ADCK1: variants seen among roughly 807,000 people sequenced by gnomAD.
The protein encoded by ADCK1 is aarF domain-containing protein kinase 1.
In ADCK1, 41 loss-of-function variants were observed where a neutral mutation model predicts 52.3. The observed-to-expected ratio is 0.78, with a 90% CI of 0.61 to 1.02. The LOEUF (loss-of-function observed/expected upper bound fraction) is 1.02, where lower values mean the gene tolerates loss of function less well. ADCK1 is among the 50% of genes least tolerant of loss of function. ADCK1 has a pLI of 0.00. For synonymous variants in ADCK1, 250 were observed against 274.6 expected, an observed-to-expected ratio of 0.91 and a Z score of 0.89; for missense variants, 658 against 679.5, an observed-to-expected ratio of 0.97 and a Z score of 0.35.
intron 3 of ADCK1, among the ~76,000 whole-genome samples, chr14:77,839,099 C>G (rs934657738): frequency 6.6e-6 from 1 of 152,172 alleles, no homozygotes; most frequent in African/African-American, 2.4e-5. Context: ...CATTTCAGCT[C>G]TTGCTGAGTG....
At chr14:77,871,618 A>C (rs1566686724) in intron 4 of ADCK1, among the ~76,000 whole-genome samples, 1 of 152,054 alleles carries the variant, frequency 6.6e-6, no homozygotes, top group Non-Finnish European at 1.5e-5. Context: ...TTGACCTCCC[A>C]AAGTGCCCGG....
At chr14:77,887,718 G>A (rs1394663448) in intron 5 of ADCK1, among the ~76,000 whole-genome samples, 1 of 152,124 alleles carries the variant, frequency 6.6e-6, no homozygotes, top group Non-Finnish European at 1.5e-5. Context: ...TGCTTCTCTG[G>A]TACTTATTTG....
intron 1 of ADCK1, among the ~76,000 whole-genome samples, chr14:77,809,628 TC>T (rs2140001891): frequency 6.6e-6 from 1 of 152,054 alleles, no homozygotes; most frequent in East Asian, 1.9e-4. Context: ...GTGCCTGGCC[TC>T]CCTGTTTATT....
chr14:77,893,737 CT>C (rs1555356623), intron 5 of ADCK1, among the ~76,000 whole-genome samples: 95 of 50,368 alleles, frequency 1.9e-3, no homozygotes, highest in Non-Finnish European at 2.0e-3. Context: ...TCCTTCCTTC[CT>C]TTTTTTTTTT....
At chr14:77,931,776 T>TTGC in intron 10 of ADCK1, 65 bp downstream of exon 10, 1 of 1,525,542 alleles carries the variant, frequency 6.6e-7, no homozygotes, top group Non-Finnish European at 8.8e-7. Context: ...GGTCCTGCTT[T>TTGC]TGCTGCCACC....
chr14:77,894,481 G>A (rs1182794326), intron 5 of ADCK1, among the ~76,000 whole-genome samples: 1 of 152,114 alleles, frequency 6.6e-6, no homozygotes, highest in Admixed American at 6.5e-5. Context: ...ATTGTCCTGT[G>A]TCGTTGTGTT....
chr14:77,846,249 AC>A (rs1249068304), intron 3 of ADCK1, among the ~76,000 whole-genome samples: 13 of 151,906 alleles, frequency 8.6e-5, no homozygotes, highest in Non-Finnish European at 1.8e-4. Context: ...AGCTGGTGCC[AC>A]CCCCGTCTTC....
chr14:77,877,993 C>T (rs1390773961), intron 4 of ADCK1, among the ~76,000 whole-genome samples: 1 of 149,796 alleles, frequency 6.7e-6, no homozygotes, highest in Non-Finnish European at 1.5e-5. Flanking sequence ...GAAGCTCTCT[C>T]TGCTCTCCCT....
In ADCK1 at chr14:77,818,964, G is replaced by A. The variant is rs1484365585; in HGVS notation, c.-11-4G>A. The A allele has an allele frequency of 6.2e-7, 1 of 1,606,580 alleles. No homozygotes were observed. Among genetic ancestry groups the A allele is most frequent in the Non-Finnish European group, 8.5e-7 (1 of 1,177,616 alleles). On this transcript the variant is annotated splice_polypyrimidine_tract_variant and splice_region_variant and intron_variant, in intron 1 of 10. Coordinates refer to ENST00000238561, the MANE Select transcript of ADCK1 (RefSeq NM_020421.4). Reference sequence around the variant, plus strand: ...TTCTTTCTCAACTTTCCTTTTTTCTGCAGGATCTGGCGACATGGCCAGAAA... The same window carrying A: ...TTCTTTCTCAACTTTCCTTTTTTCTACAGGATCTGGCGACATGGCCAGAAA...
chr14:77,920,848 G>A (rs1035899217), intron 7 of ADCK1, among the ~76,000 whole-genome samples: 3 of 151,828 alleles, frequency 2.0e-5, no homozygotes, highest in African/African-American at 7.3e-5. Flanking sequence ...TGGGGTCTTG[G>A]TATGTTGCCC....
intron 1 of ADCK1, among the ~76,000 whole-genome samples, chr14:77,806,888 T>C (rs575587423): frequency 2.4e-4 from 37 of 151,754 alleles, no homozygotes; most frequent in Middle Eastern, 3.4e-3. Flanking sequence ...CTAATTTTTG[T>C]ATTTTTAGGA....
At chr14:77,859,534 G>C (rs1230329780) in intron 4 of ADCK1, among the ~76,000 whole-genome samples, 2 of 152,172 alleles carry the variant, frequency 1.3e-5, no homozygotes, top group East Asian at 3.9e-4. Context: ...TCATTCATAT[G>C]GTTCAACCTA....
At chr14:77,919,548 A>G (rs147491075) in intron 7 of ADCK1, among the ~76,000 whole-genome samples, 1 of 152,306 alleles carries the variant, frequency 6.6e-6, no homozygotes, top group African/African-American at 2.4e-5. Flanking sequence ...TGCTATAAAC[A>G]TGCATGTGTG....
chr14:77,924,210 G>A (rs772864868), intron 7 of ADCK1: 9 of 470,466 alleles, frequency 1.9e-5, no homozygotes, highest in South Asian at 1.2e-4. Context: ...ACGTCACCTC[G>A]AACTTTAAAA....
At chr14:77,837,117 A>G (rs1034375111) in intron 3 of ADCK1, among the ~76,000 whole-genome samples, 2 of 149,526 alleles carry the variant, frequency 1.3e-5, no homozygotes, top group African/African-American at 4.9e-5. Flanking sequence ...TTTAGGGTCC[A>G]CCTGGGCAAT....
chr14:77,818,557 C>T (rs553760869), intron 1 of ADCK1, among the ~76,000 whole-genome samples: 1 of 152,316 alleles, frequency 6.6e-6, no homozygotes, highest in East Asian at 1.9e-4. Flanking sequence ...GTTGGTATTA[C>T]AGACATAAGC....
At chr14:77,827,492 G>A (rs143108556) in intron 3 of ADCK1, among the ~76,000 whole-genome samples, 154 of 149,566 alleles carry the variant, frequency 1.0e-3, no homozygotes, top group African/African-American at 3.5e-3. Context: ...AGTTAAGTTT[G>A]CTGTTTCTTG....
intron 7 of ADCK1, among the ~76,000 whole-genome samples, chr14:77,912,736 T>G (rs2083823969): frequency 1.3e-5 from 2 of 152,096 alleles, no homozygotes; most frequent in Admixed American, 1.3e-4. Flanking sequence ...GGAAGATGGC[T>G]GTAGAAGGGA....
At chr14:77,841,346 G>A (rs369277897) in intron 3 of ADCK1, among the ~76,000 whole-genome samples, 12 of 152,266 alleles carry the variant, frequency 7.9e-5, no homozygotes, top group African/African-American at 2.9e-4. Context: ...CACTGGCCTG[G>A]AGGAACCCTG....
Sources: allele counts gnomAD v4.1 joint callset (sites outside exome capture counted in the v4.1 genomes callset), GRCh38; gene constraint gnomAD v4.1.1; transcripts MANE v1.5; gene names NCBI Gene and HGNC (gene_info 2026-07-23, HGNC 2026-07-21).